Variants in ARHGEF10L observed in about 807,000 individuals in gnomAD.
ARHGEF10L encodes the protein Rho guanine nucleotide exchange factor 10 like.
ARHGEF10L carries 69 observed loss-of-function variants against 141.2 expected under a neutral mutation model. The observed-to-expected ratio is 0.49, with a 90% CI of 0.40 to 0.60. The LOEUF (loss-of-function observed/expected upper bound fraction) is 0.60. Among genes scored for constraint, ARHGEF10L ranks in the 20% least tolerant of loss-of-function variants. The pLI is 0.00. For missense variants in ARHGEF10L, 1,482 were observed against 1,734.3 expected (o/e 0.85, Z 2.58); for synonymous variants, 711 against 718.5 (o/e 0.99, Z 0.17).
the ARHGEF10L span, among the ~76,000 whole-genome samples, chr1:17,524,554 A>G: frequency 6.6e-6 from 1 of 152,148 alleles, no homozygotes; most frequent in Non-Finnish European, 1.5e-5. Context: ...CCTGGGCAGC[A>G]GAGTGAGACA....
chr1:17,696,228 A>AT (rs2065488678), intron 28 of ARHGEF10L, among the ~76,000 whole-genome samples: 1 of 149,552 alleles, frequency 6.7e-6, no homozygotes, highest in Non-Finnish European at 1.5e-5. Context: ...AAAAAAAAAA[A>AT]GTTGCTTCTA....
At chr1:17,618,555 C>T (rs1167446389) in intron 9 of ARHGEF10L, 7 of 1,324,936 alleles carry the variant, frequency 5.3e-6, no homozygotes, top group Non-Finnish European at 6.9e-6. Flanking sequence ...CTACCCCCTC[C>T]CACCCTTGGG....
chr1:17,541,671 A>G (rs1409432863), intron 1 of ARHGEF10L, among the ~76,000 whole-genome samples: 2 of 152,156 alleles, frequency 1.3e-5, no homozygotes, highest in Non-Finnish European at 1.5e-5. Flanking sequence ...TCTTTACTAA[A>G]AATGCAAAAA....
chr1:17,557,562 C>A (rs562198057), intron 1 of ARHGEF10L, among the ~76,000 whole-genome samples: 2 of 152,268 alleles, frequency 1.3e-5, no homozygotes, highest in African/African-American at 4.8e-5. Flanking sequence ...AATTCCTGAG[C>A]CTCATCCTTA....
chr1:17,618,782 G>C (rs530121803), intron 9 of ARHGEF10L, among the ~76,000 whole-genome samples: 1 of 152,218 alleles, frequency 6.6e-6, no homozygotes, highest in African/African-American at 2.4e-5. Flanking sequence ...ATCTCATTCC[G>C]TCCTCCGTCT....
At chr1:17,604,248 C>A (rs951744870) in intron 6 of ARHGEF10L, among the ~76,000 whole-genome samples, 1 of 152,130 alleles carries the variant, frequency 6.6e-6, no homozygotes, top group South Asian at 2.1e-4. Flanking sequence ...GTGGGTCATT[C>A]TGACCCCCAG....
At chr1:17,582,769 G>T (rs1201708982) in intron 2 of ARHGEF10L, among the ~76,000 whole-genome samples, 1 of 152,068 alleles carries the variant, frequency 6.6e-6, no homozygotes, top group Non-Finnish European at 1.5e-5. Context: ...TCTCCTGCTG[G>T]CTCTGTCCTG....
At chr1:17,521,026 C>G in the ARHGEF10L span, among the ~76,000 whole-genome samples, 4 of 152,136 alleles carry the variant, frequency 2.6e-5, no homozygotes, top group African/African-American at 9.7e-5. Flanking sequence ...GCCATCCGGG[C>G]CTCAGCAGGG....
chr1:17,560,378 A>G (rs1334844457), intron 1 of ARHGEF10L, among the ~76,000 whole-genome samples: 1 of 152,136 alleles, frequency 6.6e-6, no homozygotes, highest in African/African-American at 2.4e-5. Context: ...TCACAAGGCA[A>G]TGCTATGTGT....
At position 17,616,122 on chromosome 1, in the gene ARHGEF10L, G is replaced by A. The variant is rs1313809517; in HGVS notation, c.755G>A (p.Ser252Asn). ...KMTQLMKAAKSGTKDGLEKTR... is the reference protein window; with the variant it reads ...KMTQLMKAAKNGTKDGLEKTR... Reference sequence around the variant, plus strand: ...ACCCAGCTCATGAAGGCCGCCAAGAGCGGGACCAAGGATGGGCTGGAGAAG... The same window carrying A: ...ACCCAGCTCATGAAGGCCGCCAAGAACGGGACCAAGGATGGGCTGGAGAAG... The change falls in exon 9 of 29, where the codon AGC (serine) becomes AAC (asparagine). Residue 252 changes from serine (S) to asparagine (N), a missense_variant. Transcript: ENST00000361221. The A allele has an allele frequency of 6.2e-7, 1 of 1,613,838 alleles. No homozygotes were observed. Among genetic ancestry groups the A allele is most frequent in the South Asian group, 1.1e-5 (1 of 91,082 alleles).
chr1:17,551,368 G>A (rs2077105597), intron 1 of ARHGEF10L, among the ~76,000 whole-genome samples: 2 of 151,952 alleles, frequency 1.3e-5, no homozygotes, highest in African/African-American at 4.8e-5. Flanking sequence ...AGGCTTCCCA[G>A]GGGAGTGTCC....
intron 21 of ARHGEF10L, among the ~76,000 whole-genome samples, chr1:17,640,953 G>A (rs796538699): frequency 5.3e-5 from 8 of 152,296 alleles, no homozygotes; most frequent in African/African-American, 1.9e-4. Context: ...AGTTAGGTCT[G>A]TTGAGAATCT....
chr1:17,694,160 G>C (rs1447631745), intron 27 of ARHGEF10L: 2 of 152,282 alleles, frequency 1.3e-5, no homozygotes, highest in Non-Finnish European at 2.9e-5. Flanking sequence ...CCAATGGAGA[G>C]TATCTGTGTT....
chr1:17,564,376 G>C (rs954990161), intron 1 of ARHGEF10L, among the ~76,000 whole-genome samples: 1 of 152,080 alleles, frequency 6.6e-6, no homozygotes, highest in African/African-American at 2.4e-5. Context: ...CAACACTTCA[G>C]GGGGGCCACT....
At chr1:17,618,611 A>G in intron 9 of ARHGEF10L, 3 of 999,492 alleles carry the variant, frequency 3.0e-6, no homozygotes, top group Non-Finnish European at 4.1e-6. Context: ...CACAGCTCCC[A>G]TTTCCTGCTG....
chr1:17,677,423 G>A (rs529016902), intron 26 of ARHGEF10L, among the ~76,000 whole-genome samples: 4 of 152,364 alleles, frequency 2.6e-5, no homozygotes, highest in Non-Finnish European at 5.9e-5. Flanking sequence ...GCTGATCTCA[G>A]CTTCTAACTC....
At chr1:17,548,646 CTT>C (rs892480738) in intron 1 of ARHGEF10L, among the ~76,000 whole-genome samples, 15 of 88,286 alleles carry the variant, frequency 1.7e-4, no homozygotes, top group African/African-American at 3.3e-4. Context: ...CAAAATAATT[CTT>C]TTTTTTTTTT....
chr1:17,606,537 A>C (rs1570843324), intron 6 of ARHGEF10L, among the ~76,000 whole-genome samples: 1 of 149,188 alleles, frequency 6.7e-6, no homozygotes, highest in Non-Finnish European at 1.5e-5. Flanking sequence ...CAGGCGATCC[A>C]CCCATCTCAG....
Position 17,621,638 on chromosome 1 carries a change from C to T in ARHGEF10L, c.943-226C>T, listed in dbSNP as rs528847568. ...AGATGTATGTGCACAGAGGGGCTTTCCCTGGGATGTGCCCTTCCTCCTCCA... is the reference window on the plus strand; with the variant it reads ...AGATGTATGTGCACAGAGGGGCTTTTCCTGGGATGTGCCCTTCCTCCTCCA... On this transcript the variant is annotated intron_variant, in intron 10 of 28. Coordinates refer to ENST00000361221, the MANE Select transcript of ARHGEF10L (RefSeq NM_018125.4). This position sits in a 1 kb window ranked among gnomAD's most constrained non-coding sequence, Gnocchi z 4.1. 1.8e-4 allele frequency among the ~76,000 whole-genome samples: 27 copies of T among 152,332 alleles called. No individual in the cohort carries two copies. Among genetic ancestry groups the T allele is most frequent in the African/African-American group, 6.0e-4 (25 of 41,584 alleles).
Sources: allele counts gnomAD v4.1 joint callset (sites outside exome capture counted in the v4.1 genomes callset), GRCh38; gene constraint gnomAD v4.1.1; non-coding constraint Gnocchi (gnomAD v3.1); transcripts MANE v1.5; gene names NCBI Gene and HGNC (gene_info 2026-07-23, HGNC 2026-07-21).